Variants in DLG2 observed in about 807,000 individuals in gnomAD.
DLG2 encodes the protein disks large homolog 2.
In DLG2, 45 loss-of-function variants were observed where a neutral mutation model predicts 132.5. The ratio of observed to expected loss-of-function variants is 0.34; its 90% confidence interval spans 0.27 to 0.44. The LOEUF (loss-of-function observed/expected upper bound fraction) is 0.44. Among genes scored for constraint, DLG2 ranks in the 20% least tolerant of loss-of-function variants. The pLI is 1.00. For missense variants in DLG2, 1,045 were observed against 1,196.9 expected (o/e 0.87, Z 1.87); for synonymous variants, 424 against 419.6 (o/e 1.01, Z -0.13).
intron 8 of DLG2, among the ~76,000 whole-genome samples, chr11:84,204,101 G>C (rs1352371692): frequency 6.6e-6 from 1 of 152,056 alleles, no homozygotes; most frequent in Non-Finnish European, 1.5e-5. Context: ...GGGATTACAG[G>C]TGCCCACCAC....
At chr11:83,661,651 T>G (rs1566378063) in intron 18 of DLG2, among the ~76,000 whole-genome samples, 1 of 152,144 alleles carries the variant, frequency 6.6e-6, no homozygotes, top group Admixed American at 6.5e-5. Context: ...CCAAAGCTCA[T>G]GTCCACCTGC....
At chr11:84,221,137 A>C (rs1241461072) in intron 8 of DLG2, among the ~76,000 whole-genome samples, 1 of 151,762 alleles carries the variant, frequency 6.6e-6, no homozygotes, top group Non-Finnish European at 1.5e-5. Context: ...GATTGGGTGA[A>C]ACAAACAAAT....
intron 6 of DLG2, among the ~76,000 whole-genome samples, chr11:84,909,224 C>T (rs145115562): frequency 7.4e-4 from 112 of 152,300 alleles, no homozygotes; most frequent in African/African-American, 2.6e-3. Flanking sequence ...CGTTCTTGCT[C>T]ATTTCTTTAC....
intron 6 of DLG2, among the ~76,000 whole-genome samples, chr11:84,926,174 G>A (rs1310460596): frequency 6.6e-6 from 1 of 151,932 alleles, no homozygotes; most frequent in East Asian, 1.9e-4. Context: ...CATTTAAAAT[G>A]CTCAACCTCA....
rs538969847 is a variant in DLG2 at position 84,735,915 on chromosome 11, A to G, written c.358-201184T>C. ...TACCAGAAGTTTTTATTATTGATGA[A>G]TGCAATTTATTATTTTTTCCTTTAT... is the stretch of plus-strand genomic sequence containing the variant. On this transcript the variant is annotated intron_variant, in intron 6 of 27. Transcript: ENST00000376104. Among the ~76,000 whole-genome samples, 29 of 152,062 alleles carry G rather than the reference A, an allele frequency of 1.9e-4. 1 individual carries two copies. Among genetic ancestry groups the G allele is most frequent in the Non-Finnish European group, 3.4e-4 (23 of 67,924 alleles).
rs114893065 is a variant in DLG2 at position 84,115,257 on chromosome 11, G to A, written c.625-16210C>T. On this transcript the variant is annotated intron_variant, in intron 9 of 27. Transcript: ENST00000376104. ...CACTGGGCTCAAAATCTATTCATTGGTATTCAAACAATTCTAACTTCAGAG... is the reference window on the plus strand; with the variant it reads ...CACTGGGCTCAAAATCTATTCATTGATATTCAAACAATTCTAACTTCAGAG... 7.9e-3 allele frequency among the ~76,000 whole-genome samples: 1,207 copies of A among 152,154 alleles called. 18 individuals are homozygous for A. The highest frequency in any genetic ancestry group is 0.028 in the African/African-American group (1,153 of 41,504).
At chr11:83,718,400 T>C (rs1707283390) in intron 18 of DLG2, among the ~76,000 whole-genome samples, 1 of 151,678 alleles carries the variant, frequency 6.6e-6, no homozygotes, top group Admixed American at 6.6e-5. Flanking sequence ...TAGCCGGGCA[T>C]GATGGTCCAG....
chr11:84,688,938 AAATCAACTG>A (rs749095224), intron 6 of DLG2, among the ~76,000 whole-genome samples: 26 of 152,180 alleles, frequency 1.7e-4, no homozygotes, highest in Non-Finnish European at 3.4e-4. Flanking sequence ...AGCTACACAG[AAATCAACTG>A]ATCCTGAATT....
At position 84,589,529 on chromosome 11, in the gene DLG2, A is replaced by G. The variant is rs186669846; in HGVS notation, c.358-54798T>C. On this transcript the variant is annotated intron_variant, in intron 6 of 27. Transcript: ENST00000376104. ...GGAGGAGAACAAATCCCTTATAACT[A>G]GAAGTCTAGAATTCTCCTAGAGAAT... 4.8e-4 allele frequency among the ~76,000 whole-genome samples: 73 copies of G among 152,328 alleles called. 1 individual carries two copies. Among genetic ancestry groups the G allele is most frequent in the Non-Finnish European group, 9.8e-4 (67 of 68,022 alleles).
At chr11:85,112,106 A>G (rs1382780403) in intron 5 of DLG2, among the ~76,000 whole-genome samples, 2 of 152,054 alleles carry the variant, frequency 1.3e-5, no homozygotes, top group Non-Finnish European at 2.9e-5. Context: ...CACATGAGTC[A>G]AGGTATAGAA....
At chr11:84,850,760 C>T (rs1209927089) in intron 6 of DLG2, among the ~76,000 whole-genome samples, 1 of 151,248 alleles carries the variant, frequency 6.6e-6, no homozygotes, top group Non-Finnish European at 1.5e-5. Context: ...AATGAATAAT[C>T]CAAAAATGAA....
intron 7 of DLG2, among the ~76,000 whole-genome samples, chr11:84,389,387 T>C (rs2098783945): frequency 6.6e-6 from 1 of 152,078 alleles, no homozygotes; most frequent in South Asian, 2.1e-4. Context: ...CTGTCCCAAG[T>C]CAATACCAAA....
intron 7 of DLG2, among the ~76,000 whole-genome samples, chr11:84,513,237 T>C (rs1434166955): frequency 1.3e-5 from 2 of 151,942 alleles, no homozygotes; most frequent in Non-Finnish European, 2.9e-5. Context: ...AGAACCAATA[T>C]TGTTAAAATG....
intron 6 of DLG2, among the ~76,000 whole-genome samples, chr11:84,797,081 A>G (rs2074729154): frequency 2.6e-5 from 4 of 152,116 alleles, no homozygotes; most frequent in Admixed American, 6.6e-5. Context: ...TCCTGACCTC[A>G]GGTGATCCGC....
chr11:85,448,592 G>A (rs2153039888), intron 3 of DLG2, among the ~76,000 whole-genome samples: 1 of 152,232 alleles, frequency 6.6e-6, no homozygotes, highest in South Asian at 2.1e-4. Context: ...TAAAATCAAA[G>A]ACAATCAGAG....
In DLG2 at chr11:83,830,513, G is replaced by A. The variant is rs571442856; in HGVS notation, c.1722+3101C>T. On this transcript the variant is annotated intron_variant, in intron 17 of 27. Transcript: ENST00000376104. ...TTATCCTTAATATGAACATAACAAG[G>A]CATAGTGTTGTTGGAAGACTAAATT... Among the ~76,000 whole-genome samples the A allele has an allele frequency of 5.1e-3, 778 of 152,278 alleles. 4 individuals carry two copies. Among genetic ancestry groups the A allele is most frequent in the Non-Finnish European group, 6.7e-3 (453 of 68,028 alleles).
At chr11:85,624,295 T>C (rs1041527431) in intron 2 of DLG2, among the ~76,000 whole-genome samples, 2 of 152,206 alleles carry the variant, frequency 1.3e-5, no homozygotes, top group Non-Finnish European at 1.5e-5. Flanking sequence ...CCCACCATGG[T>C]TGCATGGTAT....
intron 3 of DLG2, among the ~76,000 whole-genome samples, chr11:85,494,915 T>C (rs1447972209): frequency 6.6e-6 from 1 of 151,388 alleles, no homozygotes; most frequent in Non-Finnish European, 1.5e-5. Flanking sequence ...GTGAAAAACA[T>C]GCTACTAAAT....
intron 6 of DLG2, among the ~76,000 whole-genome samples, chr11:84,711,011 T>G (rs943232670): frequency 6.9e-4 from 58 of 83,862 alleles, no homozygotes; most frequent in African/African-American, 1.6e-3. Context: ...TATATATAGA[T>G]ATATATATAT....
Sources: allele counts gnomAD v4.1 joint callset (sites outside exome capture counted in the v4.1 genomes callset), GRCh38; gene constraint gnomAD v4.1.1; transcripts MANE v1.5; gene names NCBI Gene and HGNC (gene_info 2026-07-23, HGNC 2026-07-21).